Variants in EDNRB observed in about 807,000 individuals in gnomAD.
EDNRB encodes the protein endothelin receptor type B, also known as Hirschsprung disease 2.
EDNRB carries 18 observed loss-of-function variants against 46.4 expected under a neutral mutation model. The observed-to-expected ratio is 0.39, with a 90% CI of 0.27 to 0.57. The LOEUF (loss-of-function observed/expected upper bound fraction) is 0.57, where lower values mean the gene tolerates loss of function less well. Ranked by LOEUF, EDNRB falls within the 20% of genes least tolerant of loss-of-function variation. The pLI, the probability that EDNRB is intolerant of heterozygous loss-of-function variation, is 0.61. For missense variants in EDNRB, 434 were observed against 537.5 expected (o/e 0.81, Z 1.90); for synonymous variants, 213 against 204.9 (o/e 1.04, Z -0.34).
At position 77,918,347 on chromosome 13, in the gene EDNRB, C is replaced by T; in HGVS notation, c.227G>A (p.Arg76Lys). Residue 76 changes from arginine to lysine, a missense_variant, in exon 1 of 7, where the codon AGG (arginine) becomes AAG (lysine). Coordinates refer to ENST00000646607, the MANE Select transcript of EDNRB (RefSeq NM_001122659.3). The surrounding 1 kb of genome is among the most constrained non-coding windows in gnomAD (Gnocchi z 4.5). ...LAPAEVPKGDRTAGSPPRTIS... is the reference protein window; with the variant it reads ...LAPAEVPKGDKTAGSPPRTIS... ...GGTGCGTGGCGGAGATCCTGCCGTC[C>T]TGTCTCCTTTAGGCACCTCCGCAGG... The T allele has an allele frequency of 1.2e-6, 2 of 1,613,646 alleles. No homozygotes were observed. The highest frequency in any genetic ancestry group is 1.6e-4 in the Middle Eastern group (1 of 6,062).
intron 1 of EDNRB, among the ~76,000 whole-genome samples, chr13:77,916,769 A>G (rs1879826167): frequency 6.6e-6 from 1 of 152,184 alleles, no homozygotes; most frequent in South Asian, 2.1e-4. Context: ...GCTATAGGCA[A>G]ATCTGCAAAG....
chr13:77,898,272 C>CGACT lies in EDNRB; in HGVS notation c.1253_1256dup (p.Cys420ValfsTer8). On this transcript the variant is annotated frameshift_variant, in exon 7 of 7. Transcript: ENST00000646607. LOFTEE classifies it high-confidence loss of function. ...GATCATTAGCTTTGAACTTTAAGCA[C>CGACT]GACTGCTTTTCCTCCAAGGACTGTT... is the stretch of plus-strand genomic sequence containing the variant. 1 of 1,612,124 alleles carries CGACT rather than the reference C, an allele frequency of 6.2e-7. No homozygotes were observed. The highest frequency in any genetic ancestry group is 8.5e-7 in the Non-Finnish European group (1 of 1,178,858).
At chr13:77,925,231 T>G (rs1478301958) in intron 1 of EDNRB, among the ~76,000 whole-genome samples, 3 of 152,256 alleles carry the variant, frequency 2.0e-5, no homozygotes, top group African/African-American at 7.2e-5. Flanking sequence ...ACAGGCTAAA[T>G]TATATTATTT....
At chr13:77,933,768 A>G (rs1880471820) in intron 1 of EDNRB, among the ~76,000 whole-genome samples, 3 of 152,174 alleles carry the variant, frequency 2.0e-5, no homozygotes, top group South Asian at 2.1e-4. Context: ...GATTAGGGGT[A>G]GCGTGGGAAC....
Position 77,918,336 on chromosome 13 carries a change from A to G in EDNRB, c.238T>C (p.Ser80Pro). 6.2e-7 allele frequency: 1 copy of G among 1,613,850 alleles called. No individual in the cohort carries two copies. Residue 80 changes from serine to proline, a missense_variant, in exon 1 of 7, where the codon TCT (serine) becomes CCT (proline). Transcript: ENST00000646607. This position sits in a 1 kb window ranked among gnomAD's most constrained non-coding sequence, Gnocchi z 4.5. ...EVPKGDRTAG[S>P]PPRTISPPPC... ...GGAGGGGAGATGGTGCGTGGCGGAG[A>G]TCCTGCCGTCCTGTCTCCTTTAGGC...
upstream of EDNRB, among the ~76,000 whole-genome samples, chr13:77,920,944 T>C (rs1213996670): frequency 6.6e-6 from 1 of 152,150 alleles, no homozygotes; most frequent in Admixed American, 6.5e-5. Context: ...CTTTTCTCTC[T>C]CCCCACTGGC....
intron 1 of EDNRB, among the ~76,000 whole-genome samples, chr13:77,934,481 A>G (rs1880497524): frequency 6.6e-6 from 1 of 152,130 alleles, no homozygotes; most frequent in South Asian, 2.1e-4. Context: ...GGGAAGGCCA[A>G]ACTGAGGAAT....
chr13:77,927,940 A>G (rs2137650895), intron 1 of EDNRB, among the ~76,000 whole-genome samples: 1 of 152,194 alleles, frequency 6.6e-6, no homozygotes, highest in Admixed American at 6.5e-5. Flanking sequence ...ATGAGATCTG[A>G]TGGTTTTATA....
chr13:77,940,344 G>A (rs148508091), intron 1 of EDNRB, among the ~76,000 whole-genome samples: 3 of 150,940 alleles, frequency 2.0e-5, no homozygotes, highest in African/African-American at 7.3e-5. Flanking sequence ...TTTTTTCATA[G>A]AGAAGGTGAT....
chr13:77,934,701 T>C (rs1002617488), intron 1 of EDNRB, among the ~76,000 whole-genome samples: 1 of 148,106 alleles, frequency 6.8e-6, no homozygotes, highest in Non-Finnish European at 1.5e-5. Context: ...GCCTGAATAG[T>C]CCCTGAGGAG....
chr13:77,904,053 T>C (rs770422372), intron 1 of EDNRB, among the ~76,000 whole-genome samples: 4 of 152,126 alleles, frequency 2.6e-5, no homozygotes, highest in Non-Finnish European at 5.9e-5. Flanking sequence ...CAGAACAGCA[T>C]GTGCATTCAG....
intron 1 of EDNRB, among the ~76,000 whole-genome samples, chr13:77,952,266 T>A (rs1023570760): frequency 6.6e-6 from 1 of 152,170 alleles, no homozygotes; most frequent in Non-Finnish European, 1.5e-5. Flanking sequence ...GTGGGGGAGA[T>A]GTGCTCTGCT....
intron 1 of EDNRB, among the ~76,000 whole-genome samples, chr13:77,968,283 T>A (rs1179553503): frequency 1.3e-5 from 2 of 152,106 alleles, no homozygotes; most frequent in East Asian, 3.9e-4. Context: ...GAGATGCTAT[T>A]TTCTCTGGAA....
At chr13:77,915,167 C>T (rs764928882) in intron 1 of EDNRB, among the ~76,000 whole-genome samples, 19 of 152,058 alleles carry the variant, frequency 1.2e-4, no homozygotes, top group African/African-American at 2.9e-4. Flanking sequence ...AAAAAAACTA[C>T]GTTGCCACAA....
rs114137236 is a variant in EDNRB, at chr13:77,945,173, T to C, written c.-51-26549A>G. 5.4e-3 allele frequency among the ~76,000 whole-genome samples: 819 copies of C among 152,306 alleles called. 11 individuals are homozygous for C. The highest frequency in any genetic ancestry group is 0.018 in the African/African-American group (759 of 41,562). ...TTGCATGGCTTCACTGAGGTGTACA[T>C]GTGTACATTTTATGTTTTGGTACTG... On this transcript the variant is annotated intron_variant, in intron 1 of 7. Coordinates refer to the EDNRB transcript ENST00000646948.
At position 77,960,234 on chromosome 13, in the gene EDNRB, A is replaced by G. The variant is rs993345783; in HGVS notation, c.-52+15113T>C. Among the ~76,000 whole-genome samples the G allele has an allele frequency of 5.3e-5, 8 of 152,158 alleles. No homozygotes were observed. The East Asian group carries it at 5.8e-4, about 11-fold the overall frequency. On this transcript the variant is annotated intron_variant, in intron 1 of 7. Transcript: ENST00000646948. ...AAGAGCAACTCCAAGACACATAATT[A>G]TCAGATTCACCAAAGTTGAAATGAA...
At chr13:77,932,183 G>C (rs544085407) in intron 1 of EDNRB, among the ~76,000 whole-genome samples, 3 of 152,286 alleles carry the variant, frequency 2.0e-5, no homozygotes, top group African/African-American at 7.2e-5. Flanking sequence ...GCACACATAT[G>C]AGGGGGTGAA....
At chr13:77,967,841 C>T (rs916223064) in intron 1 of EDNRB, among the ~76,000 whole-genome samples, 7 of 152,172 alleles carry the variant, frequency 4.6e-5, no homozygotes, top group African/African-American at 1.2e-4. Context: ...GTCTGAACCA[C>T]GTCTTCCTTT....
At chr13:77,974,230 T>A (rs1287968667) in intron 1 of EDNRB, among the ~76,000 whole-genome samples, 1 of 152,148 alleles carries the variant, frequency 6.6e-6, no homozygotes, top group African/African-American at 2.4e-5. Context: ...GTAAGCTACT[T>A]TTTTGCTTTT....
Sources: allele counts gnomAD v4.1 joint callset (sites outside exome capture counted in the v4.1 genomes callset), GRCh38; gene constraint gnomAD v4.1.1; non-coding constraint Gnocchi (gnomAD v3.1); transcripts MANE v1.5; gene names NCBI Gene and HGNC (gene_info 2026-07-23, HGNC 2026-07-21).